Variants in VPS13B observed in about 807,000 individuals in gnomAD.
The protein encoded by VPS13B is intermembrane lipid transfer protein VPS13B.
VPS13B carries 285 observed loss-of-function variants against 426.4 expected under a neutral mutation model. The observed-to-expected ratio is 0.67, with a 90% CI of 0.61 to 0.74. The LOEUF (loss-of-function observed/expected upper bound fraction) is 0.74. VPS13B is among the 30% of genes least tolerant of loss of function. The probability of loss-of-function intolerance (pLI) is 0.00; values close to 1 mark genes in which losing one functional copy is unlikely to be tolerated. For missense variants in VPS13B, 4,537 were observed against 4,782.6 expected, an observed-to-expected ratio of 0.95 and a Z score of 1.51; for synonymous variants, 1,676 against 1,676.4, an observed-to-expected ratio of 1.00 and a Z score of 0.01.
intron 17 of VPS13B, among the ~76,000 whole-genome samples, chr8:99,230,285 A>C (rs1816251906): frequency 6.6e-6 from 1 of 152,206 alleles, no homozygotes; most frequent in Non-Finnish European, 1.5e-5. Flanking sequence ...GTTAAAGTTT[A>C]GTCCCTTACT....
intron 39 of VPS13B, among the ~76,000 whole-genome samples, chr8:99,724,807 A>G (rs1365110199): frequency 6.6e-6 from 1 of 152,120 alleles, no homozygotes; most frequent in Non-Finnish European, 1.5e-5. Context: ...AAGTTTTTAG[A>G]GGAACAAATA....
chr8:99,227,463 G>A (rs1816075747), intron 17 of VPS13B, among the ~76,000 whole-genome samples: 1 of 152,050 alleles, frequency 6.6e-6, no homozygotes, highest in Non-Finnish European at 1.5e-5. Flanking sequence ...TTTAGGGAAT[G>A]GCTTAATTAC....
intron 60 of VPS13B, 52 bp from the exon 61 acceptor site, chr8:99,871,396 T>G: frequency 6.2e-7 from 1 of 1,613,132 alleles, no homozygotes; most frequent in East Asian, 2.2e-5. Flanking sequence ...CACTGATAAG[T>G]GACCATCTTT....
At chr8:99,640,043 G>GAGAAAAGAA (rs1554883859) in intron 33 of VPS13B, among the ~76,000 whole-genome samples, 1 of 82,182 alleles carries the variant, frequency 1.2e-5, no homozygotes, top group Non-Finnish European at 2.5e-5. Flanking sequence ...AGAAGAAGAA[G>GAGAAAAGAA]AAGAAGAGAA....
chr8:99,061,296 C>CTTTTTTTTTTTTTTTTT (rs36037937), intron 3 of VPS13B, among the ~76,000 whole-genome samples: 3 of 112,944 alleles, frequency 2.7e-5, no homozygotes, highest in Non-Finnish European at 3.5e-5. Flanking sequence ...TGCTAATTTT[C>CTTTTTTTTTTTTTTTTT]TTTTTTTTTT....
At chr8:99,305,713 A>G (rs1296215095) in intron 19 of VPS13B, among the ~76,000 whole-genome samples, 2 of 152,118 alleles carry the variant, frequency 1.3e-5, no homozygotes, top group African/African-American at 4.8e-5. Context: ...ATTTTGAACT[A>G]AAAATCTTTG....
chr8:99,547,076 T>C (rs561575764), intron 30 of VPS13B, among the ~76,000 whole-genome samples: 10 of 152,176 alleles, frequency 6.6e-5, no homozygotes, highest in African/African-American at 2.4e-4. Flanking sequence ...GTTAGAGAGC[T>C]GTAATGACCC....
intron 19 of VPS13B, among the ~76,000 whole-genome samples, chr8:99,349,366 T>C (rs1193483285): frequency 7.1e-6 from 1 of 141,598 alleles, no homozygotes; most frequent in East Asian, 2.0e-4. Flanking sequence ...GAAAATAGCA[T>C]GCTTTTTCTT....
intron 30 of VPS13B, among the ~76,000 whole-genome samples, chr8:99,532,528 G>A (rs922095043): frequency 6.6e-6 from 1 of 151,974 alleles, no homozygotes; most frequent in Non-Finnish European, 1.5e-5. Flanking sequence ...ACCCTTAGAA[G>A]ACATGTGTTA....
chr8:99,330,756 A>G (rs1323925404), intron 19 of VPS13B, among the ~76,000 whole-genome samples: 1 of 151,890 alleles, frequency 6.6e-6, no homozygotes, highest in East Asian at 1.9e-4. Context: ...ATTGTCTTCA[A>G]CCAGAACGGA....
intron 19 of VPS13B, among the ~76,000 whole-genome samples, chr8:99,363,600 G>T (rs1430281664): frequency 6.6e-6 from 1 of 152,100 alleles, no homozygotes; most frequent in African/African-American, 2.4e-5. Context: ...TCTAATCCAT[G>T]AACATGAAAT....
chr8:99,271,382 A>G (rs1195632937), intron 17 of VPS13B, among the ~76,000 whole-genome samples: 1 of 152,166 alleles, frequency 6.6e-6, no homozygotes, highest in Non-Finnish European at 1.5e-5. Flanking sequence ...ATACCATTTC[A>G]TAGGTGTAAT....
chr8:99,037,071 C>A (rs1368628607), intron 2 of VPS13B, among the ~76,000 whole-genome samples: 1 of 152,048 alleles, frequency 6.6e-6, no homozygotes, highest in Non-Finnish European at 1.5e-5. Flanking sequence ...GAGTAAGGTG[C>A]TTAGAATAGC....
intron 44 of VPS13B, among the ~76,000 whole-genome samples, chr8:99,812,775 A>AATCATGTT (rs1813786429): frequency 6.6e-6 from 1 of 152,206 alleles, no homozygotes; most frequent in South Asian, 2.1e-4. Context: ...ACATACTTTT[A>AATCATGTT]ATCATGTTTA....
At position 99,667,712 on chromosome 8, in the gene VPS13B, A is replaced by G. The variant is rs1011901168; in HGVS notation, c.6046+6221A>G. Reference sequence around the variant, plus strand: ...TGTCTCACTACACAGCCAGATTGGCATGCTACTACATTAATTTAGGAATCA... The same window carrying G: ...TGTCTCACTACACAGCCAGATTGGCGTGCTACTACATTAATTTAGGAATCA... On this transcript the variant is annotated intron_variant, in intron 35 of 61. Coordinates refer to ENST00000357162, the MANE Select transcript of VPS13B (RefSeq NM_152564.5). Among the ~76,000 whole-genome samples, 34 of 152,326 alleles carry G rather than the reference A, an allele frequency of 2.2e-4. 1 individual carries two copies. The highest frequency in any genetic ancestry group is 6.0e-4 in the African/African-American group (25 of 41,580).
chr8:99,274,077 A>AT (rs1218478875), intron 17 of VPS13B, 121 bp from the exon 18 acceptor site: 16 of 1,377,362 alleles, frequency 1.2e-5, no homozygotes, highest in Non-Finnish European at 1.6e-5. Context: ...CCTAACACAA[A>AT]TACTGTAAGA....
At chr8:99,136,021 G>A (rs779436262) in intron 11 of VPS13B, among the ~76,000 whole-genome samples, 3 of 151,990 alleles carry the variant, frequency 2.0e-5, no homozygotes, top group Non-Finnish European at 2.9e-5. Context: ...TACTTTTAAT[G>A]TGTGGGATTG....
chr8:99,442,742 G>C, intron 23 of VPS13B, 107 bp downstream of exon 23: 2 of 1,202,336 alleles, frequency 1.7e-6, no homozygotes, highest in East Asian at 2.5e-5. Context: ...TCTTCTCATT[G>C]AAAGATTTTT....
intron 3 of VPS13B, among the ~76,000 whole-genome samples, chr8:99,090,276 T>C (rs541421359): frequency 3.0e-4 from 45 of 151,734 alleles, no homozygotes; most frequent in African/African-American, 1.1e-3. Flanking sequence ...ACTTTTTTTT[T>C]TTTTTTTTTC....
Sources: allele counts gnomAD v4.1 joint callset (sites outside exome capture counted in the v4.1 genomes callset), GRCh38; gene constraint gnomAD v4.1.1; transcripts MANE v1.5; gene names NCBI Gene and HGNC (gene_info 2026-07-23, HGNC 2026-07-21).